The following NKD1 variants were observed in gnomAD, a reference collection of about 807,000 sequenced individuals.
The protein encoded by NKD1 is protein naked cuticle homolog 1.
Under a neutral mutation model 56.0 loss-of-function variants are expected in NKD1, and 21 were observed. The ratio of observed to expected loss-of-function variants is 0.38; its 90% confidence interval spans 0.27 to 0.54. The LOEUF (loss-of-function observed/expected upper bound fraction) is 0.54. Ranked by LOEUF, NKD1 falls within the 20% of genes least tolerant of loss-of-function variation. The pLI is 0.82. For missense variants in NKD1, 578 were observed against 642.7 expected (o/e 0.90, Z 1.09); for synonymous variants, 263 against 265.7 (o/e 0.99, Z 0.10).
intron 3 of NKD1, among the ~76,000 whole-genome samples, chr16:50,599,576 G>A (rs1667627313): frequency 6.6e-6 from 1 of 152,148 alleles, no homozygotes; most frequent in Non-Finnish European, 1.5e-5. Context: ...CGTGCTTCAT[G>A]GAACACTTGG....
chr16:50,605,290 T>A (rs1961680724), intron 3 of NKD1, among the ~76,000 whole-genome samples: 1 of 152,250 alleles, frequency 6.6e-6, no homozygotes, highest in African/African-American at 2.4e-5. Context: ...GAACTGTTTC[T>A]GGTCTCATAC....
intron 4 of NKD1, among the ~76,000 whole-genome samples, chr16:50,614,844 A>G (rs1012710064): frequency 6.6e-6 from 1 of 152,196 alleles, no homozygotes; most frequent in South Asian, 2.1e-4. Flanking sequence ...ATACAAACAC[A>G]TATGACCACA....
intron 6 of NKD1, 50 bp from the exon 7 acceptor site, chr16:50,630,136 A>G: frequency 6.3e-7 from 1 of 1,582,502 alleles, no homozygotes. Context: ...TGTATTTTCA[A>G]GGCCCTGTGA....
intron 3 of NKD1, among the ~76,000 whole-genome samples, chr16:50,580,973 G>A (rs1961104394): frequency 6.6e-6 from 1 of 152,208 alleles, no homozygotes; most frequent in Admixed American, 6.5e-5. Flanking sequence ...ATCAAAGATG[G>A]AAGAGAAAAG....
intron 8 of NKD1, among the ~76,000 whole-genome samples, chr16:50,631,178 T>G (rs11640716): frequency 0.58 from 88,468 of 152,060 alleles, 26,967 homozygotes; most frequent in Non-Finnish European, 0.67. Flanking sequence ...CATCAGGCTC[T>G]GACGTGTTGC....
In NKD1 at chr16:50,632,892, T is replaced by C. The variant is rs1225200076; in HGVS notation, c.824-300T>C. On this transcript the variant is annotated intron_variant, in intron 9 of 9. Coordinates refer to ENST00000268459, the MANE Select transcript of NKD1 (RefSeq NM_033119.5). This position sits in a 1 kb window ranked among gnomAD's most constrained non-coding sequence, Gnocchi z 4.1. ...TTCTGTATGTTTTTAGCAATATACTTAGAGTTCTTTCTTGCCCCAGTGACC... is the reference window on the plus strand; with the variant it reads ...TTCTGTATGTTTTTAGCAATATACTCAGAGTTCTTTCTTGCCCCAGTGACC... Among the ~76,000 whole-genome samples the C allele has an allele frequency of 6.6e-6, 1 of 152,218 alleles. No homozygotes were observed. Among genetic ancestry groups the C allele is most frequent in the Non-Finnish European group, 1.5e-5 (1 of 68,040 alleles).
intron 3 of NKD1, among the ~76,000 whole-genome samples, chr16:50,570,467 T>C (rs1463486766): frequency 6.6e-6 from 1 of 152,238 alleles, no homozygotes; most frequent in Non-Finnish European, 1.5e-5. Flanking sequence ...TGAGATACAC[T>C]GTACTGGCCC....
intron 2 of NKD1, chr16:50,549,096 T>C (rs1960312338): frequency 6.7e-6 from 1 of 149,448 alleles, no homozygotes; most frequent in Non-Finnish European, 1.3e-5. Flanking sequence ...TCCTGGCTCC[T>C]GCACCTACTG....
Position 50,625,546 on chromosome 16 carries a change from A to G in NKD1, c.428A>G (p.Tyr143Cys). The change falls in exon 6 of 10, where the codon TAT (tyrosine) becomes TGT (cysteine). Residue 143 changes from tyrosine (Y) to cysteine (C), a missense_variant. Coordinates refer to ENST00000268459, the MANE Select transcript of NKD1 (RefSeq NM_033119.5). ...DSRQEWTFTL[Y>C]DFDNNGKVTR... ...CGGCAGGAGTGGACCTTCACCCTGT[A>G]TGACTTTGACAACAACGGCAAGGTC... The G allele has an allele frequency of 6.2e-7, 1 of 1,613,870 alleles. No individual in the cohort carries two copies. Among genetic ancestry groups the G allele is most frequent in the Non-Finnish European group, 8.5e-7 (1 of 1,179,778 alleles).
rs1037073018 is a variant in NKD1, at chr16:50,648,757, A to G, written c.*14976A>G. On this transcript the variant is annotated 3_prime_UTR_variant, in exon 10 of 10. Transcript: ENST00000268459. ...AAGTGTCATGTAGCAGCTCCTGGGA[A>G]TCTCCTTTAAAAAGAGAGCTTGTTT... 4 of 152,204 alleles carry G rather than the reference A, an allele frequency of 2.6e-5. No individual in the cohort carries two copies. Among genetic ancestry groups the G allele is most frequent in the East Asian group, 3.8e-4 (2 of 5,200 alleles). 9.4% of individuals were successfully genotyped at this position (152,204 alleles called of 1,614,324 possible).
At chr16:50,554,226 C>A (rs1247943423) in intron 3 of NKD1, among the ~76,000 whole-genome samples, 1 of 152,110 alleles carries the variant, frequency 6.6e-6, no homozygotes, top group Non-Finnish European at 1.5e-5. Flanking sequence ...CCAGGAGGCA[C>A]CTGCTGTGGG....
intron 3 of NKD1, chr16:50,574,893 C>G: frequency 7.1e-6 from 7 of 985,408 alleles, no homozygotes; most frequent in Non-Finnish European, 8.4e-6. Flanking sequence ...TTGAAACTTC[C>G]TCTCCTTGGA....
chr16:50,593,207 AG>A (rs1456884994), intron 3 of NKD1, among the ~76,000 whole-genome samples: 2 of 152,176 alleles, frequency 1.3e-5, no homozygotes, highest in Non-Finnish European at 2.9e-5. Flanking sequence ...CCAGGTGGCA[AG>A]GGTGAGGAGG....
chr16:50,549,542 G>A lies in NKD1; in HGVS notation c.179G>A (p.Gly60Asp). 3.1e-6 allele frequency: 5 copies of A among 1,596,780 alleles called. No homozygotes were observed. Among genetic ancestry groups the A allele is most frequent in the Non-Finnish European group, 4.3e-6 (5 of 1,170,358 alleles). Reference sequence around the variant, plus strand: ...CAGCTGCGGTTGGCGGGCACCATAGGCCGAAGCACCCGGGTATGATTCCCC... The same window carrying A: ...CAGCTGCGGTTGGCGGGCACCATAGACCGAAGCACCCGGGTATGATTCCCC... ...PRQLRLAGTIGRSTRELVGDV... is the reference protein window; with the variant it reads ...PRQLRLAGTIDRSTRELVGDV... The change falls in exon 3 of 10, where the codon GGC (glycine) becomes GAC (aspartate). Residue 60 changes from glycine to aspartate, a missense_variant. By Grantham distance (94) the Gly-to-Asp change is moderately conservative. Coordinates refer to ENST00000268459, the MANE Select transcript of NKD1 (RefSeq NM_033119.5).
At position 50,623,079 on chromosome 16, in the gene NKD1, T is replaced by C. The variant is rs1962129358; in HGVS notation, c.366+1371T>C. 6.6e-6 allele frequency among the ~76,000 whole-genome samples: 1 copy of C among 152,070 alleles called. No homozygotes were observed. The highest frequency in any genetic ancestry group is 1.5e-5 in the Non-Finnish European group (1 of 67,980). On this transcript the variant is annotated intron_variant, in intron 5 of 9. Coordinates refer to ENST00000268459, the MANE Select transcript of NKD1 (RefSeq NM_033119.5). The surrounding 1 kb of genome is among the most constrained non-coding windows in gnomAD (Gnocchi z 4.1). Reference sequence around the variant, plus strand: ...GGGAGCCTTTGGGGTGAGAAGGGCCTATCAGGCAGAGGGAGCTGCAGGAGC... The same window carrying C: ...GGGAGCCTTTGGGGTGAGAAGGGCCCATCAGGCAGAGGGAGCTGCAGGAGC...
chr16:50,635,604 T>A lies in NKD1; in HGVS notation c.*1823T>A, dbSNP rs1488092538. On this transcript the variant is annotated 3_prime_UTR_variant, in exon 10 of 10. Transcript: ENST00000268459. This position sits in a 1 kb window ranked among gnomAD's most constrained non-coding sequence, Gnocchi z 4.1. ...GTCACCGTATTCTTAATTTTATTAA[T>A]GACTGATGTGCCTGGGATTGGATTA... 1 of 152,248 alleles carries A rather than the reference T, an allele frequency of 6.6e-6. No individual in the cohort carries two copies. The highest frequency in any genetic ancestry group is 6.5e-5 in the Admixed American group (1 of 15,288). 9.4% of individuals were successfully genotyped at this position (152,248 alleles called of 1,614,324 possible). A position where few individuals can be genotyped will look rare whatever the true frequency, so the allele number is the denominator to read the frequency against.
At position 50,647,648 on chromosome 16, in the gene NKD1, C is replaced by T. The variant is rs1962705973; in HGVS notation, c.*13867C>T. The T allele has an allele frequency of 6.6e-6, 1 of 152,236 alleles. No individual in the cohort carries two copies. The highest frequency in any genetic ancestry group is 1.5e-5 in the Non-Finnish European group (1 of 68,060). The allele number at this position is 152,236 out of a possible 1,614,324, so 9.4% of individuals were successfully genotyped here. A position where few individuals can be genotyped will look rare whatever the true frequency, so the allele number is the denominator to read the frequency against. ...GGAGCTGAGGTATTTACCCACCCAT[C>T]CTTGTCAGTCATTGGTCAAGGGCTA... is the stretch of plus-strand genomic sequence containing the variant. On this transcript the variant is annotated 3_prime_UTR_variant, in exon 10 of 10. Coordinates refer to ENST00000268459, the MANE Select transcript of NKD1 (RefSeq NM_033119.5).
intron 4 of NKD1, chr16:50,615,944 G>C (rs1183906816): frequency 2.4e-6 from 1 of 420,316 alleles, no homozygotes; most frequent in Admixed American, 2.5e-5. Flanking sequence ...ATTTGGCCTG[G>C]AATGCACATA....
intron 3 of NKD1, among the ~76,000 whole-genome samples, chr16:50,572,335 C>T (rs1194075686): frequency 6.6e-6 from 1 of 152,194 alleles, no homozygotes; most frequent in Non-Finnish European, 1.5e-5. Flanking sequence ...TCATTAACTC[C>T]TGGGGCTCCA....
Sources: allele counts gnomAD v4.1 joint callset (sites outside exome capture counted in the v4.1 genomes callset), GRCh38; gene constraint gnomAD v4.1.1; non-coding constraint Gnocchi (gnomAD v3.1); transcripts MANE v1.5; gene names NCBI Gene and HGNC (gene_info 2026-07-23, HGNC 2026-07-21).